Variants in C6 observed in about 807,000 individuals in gnomAD.
C6 encodes complement C6, also known as complement component C6.
In C6, 101 loss-of-function variants were observed where a neutral mutation model predicts 112.9. The observed-to-expected ratio is 0.89, with a 90% CI of 0.76 to 1.06. The LOEUF (loss-of-function observed/expected upper bound fraction) is 1.06. Ranked by LOEUF, C6 falls within the 50% of genes least tolerant of loss-of-function variation. The probability of loss-of-function intolerance (pLI) is 0.00; values close to 1 mark genes in which losing one functional copy is unlikely to be tolerated. For missense variants in C6, 1,202 were observed against 1,104.6 expected (o/e 1.09, Z -1.25); for synonymous variants, 431 against 384.1 (o/e 1.12, Z -1.43).
At chr5:41,249,382 A>T (rs1378566043) in intron 1 of C6, among the ~76,000 whole-genome samples, 1 of 152,228 alleles carries the variant, frequency 6.6e-6, no homozygotes, top group African/African-American at 2.4e-5. Context: ...AGTTAAAATA[A>T]TAACAATTTA....
At chr5:41,174,522 A>C (rs1474717915) in intron 8 of C6, among the ~76,000 whole-genome samples, 5 of 152,166 alleles carry the variant, frequency 3.3e-5, no homozygotes, top group Non-Finnish European at 7.4e-5. Flanking sequence ...ATATTAGGAT[A>C]TTTTTATTGT....
At chr5:41,238,146 A>T (rs113068758) in intron 1 of C6, among the ~76,000 whole-genome samples, 1 of 86,456 alleles carries the variant, frequency 1.2e-5, no homozygotes, top group Admixed American at 1.3e-4. Flanking sequence ...GAAAATGGCC[A>T]TACTGCCCAA....
In C6 at chr5:41,143,133, T is replaced by C. The variant is rs1203676348; in HGVS notation, c.2624-127A>G. On this transcript the variant is annotated intron_variant, in intron 17 of 17. Transcript: ENST00000337836. The stretch of plus-strand genomic sequence containing the variant: ...ATTAAGTTTGGTCTAAAGCTTTCTC[T>C]AATGAATGAGAAAGCCAAAAAATAA... 16 of 796,866 alleles carry C rather than the reference T, an allele frequency of 2.0e-5. No individual in the cohort carries two copies. In the Middle Eastern group the frequency reaches 9.9e-4, roughly 50 times the overall value. The allele number at this position is 796,866 out of a possible 1,614,324, so 49.4% of individuals were successfully genotyped here.
chr5:41,202,560 T>G (rs989755645), intron 2 of C6, among the ~76,000 whole-genome samples: 2 of 152,176 alleles, frequency 1.3e-5, no homozygotes, highest in Non-Finnish European at 2.9e-5. Flanking sequence ...AGCATTTCCA[T>G]GGTACAGAAA....
upstream of C6, among the ~76,000 whole-genome samples, chr5:41,217,648 A>G (rs765678138): frequency 4.3e-4 from 65 of 152,262 alleles, no homozygotes; most frequent in Non-Finnish European, 8.2e-4. Flanking sequence ...ATTCTTTGGA[A>G]TGGAAAGAAA....
intron 1 of C6, among the ~76,000 whole-genome samples, chr5:41,243,691 G>A (rs1740863550): frequency 6.6e-6 from 1 of 152,214 alleles, no homozygotes; most frequent in Non-Finnish European, 1.5e-5. Context: ...ACACACCAAA[G>A]CCTACTTAAT....
intron 1 of C6, among the ~76,000 whole-genome samples, chr5:41,220,163 C>T (rs1223477239): frequency 2.0e-5 from 3 of 152,114 alleles, no homozygotes; most frequent in African/African-American, 7.2e-5. Flanking sequence ...TGATTTCTTG[C>T]CATGTTTTTC....
chr5:41,142,886 C>T lies in C6; in HGVS notation c.2744G>A (p.Gly915Glu). The T allele has an allele frequency of 1.2e-6, 2 of 1,613,306 alleles. No homozygotes were observed. Among genetic ancestry groups the T allele is most frequent in the Non-Finnish European group, 1.7e-6 (2 of 1,179,474 alleles). The change falls in exon 18 of 18, where the codon GGA becomes GAA. Residue 915 changes from glycine (G) to glutamate (E), a missense_variant. By Grantham distance (98) the Gly-to-Glu change is moderately conservative. Coordinates refer to ENST00000337836, the MANE Select transcript of C6 (RefSeq NM_000065.5). The stretch of plus-strand genomic sequence containing the variant: ...CTTCCTGTTTGCACATCTTATAGTT[C>T]CCACTTCACAGATGTTCAATGTTTT... ...SEKTLNICEV[G>E]TIRCANRKME...
At chr5:41,154,914 A>T in intron 14 of C6, 58 bp downstream of exon 14, 1 of 1,560,820 alleles carries the variant, frequency 6.4e-7, no homozygotes, top group Non-Finnish European at 8.8e-7. Flanking sequence ...TACTGTTTTT[A>T]TATTGGGCAC....
At chr5:41,169,622 C>T (rs535987748) in intron 9 of C6, among the ~76,000 whole-genome samples, 1 of 152,108 alleles carries the variant, frequency 6.6e-6, no homozygotes, top group South Asian at 2.1e-4. Context: ...GGGGAGGCCT[C>T]GGGAAACTTG....
intron 12 of C6, 47 bp from the exon 13 acceptor site, chr5:41,158,832 C>A (rs1453344197): frequency 3.5e-6 from 4 of 1,134,544 alleles, no homozygotes; most frequent in African/African-American, 1.5e-5. Flanking sequence ...TATGTACACA[C>A]ATTTACATGT....
intron 1 of C6, among the ~76,000 whole-genome samples, chr5:41,209,921 C>T (rs1751758635): frequency 6.6e-6 from 1 of 152,116 alleles, no homozygotes; most frequent in Admixed American, 6.6e-5. Context: ...CAATCCTAAG[C>T]CAAAAGAACA....
chr5:41,158,348 G>T (rs1561104337), intron 13 of C6, among the ~76,000 whole-genome samples: 1 of 152,098 alleles, frequency 6.6e-6, no homozygotes, highest in Non-Finnish European at 1.5e-5. Context: ...CCTTAGGTAA[G>T]GGTATCAGTT....
intron 8 of C6, among the ~76,000 whole-genome samples, chr5:41,175,126 A>G (rs1748728920): frequency 1.3e-5 from 2 of 152,188 alleles, no homozygotes; most frequent in Admixed American, 6.6e-5. Flanking sequence ...GGAGGTGGTC[A>G]TCCTCTTTGA....
chr5:41,223,801 A>G (rs548987268), intron 1 of C6, among the ~76,000 whole-genome samples: 13 of 152,060 alleles, frequency 8.5e-5, no homozygotes, highest in African/African-American at 3.1e-4. Flanking sequence ...TAATATTTCA[A>G]CAATGTTTCA....
At chr5:41,219,718 A>G (rs1201665742) in intron 1 of C6, among the ~76,000 whole-genome samples, 1 of 152,200 alleles carries the variant, frequency 6.6e-6, no homozygotes, top group Non-Finnish European at 1.5e-5. Flanking sequence ...GTTGTCATGT[A>G]AGCAACTCCA....
At chr5:41,154,456 C>T (rs1307395583) in intron 14 of C6, among the ~76,000 whole-genome samples, 1 of 152,194 alleles carries the variant, frequency 6.6e-6, no homozygotes, top group African/African-American at 2.4e-5. Flanking sequence ...TCTTGTTTTT[C>T]ACTTTACTCT....
chr5:41,224,485 A>G (rs1739364344), intron 1 of C6, among the ~76,000 whole-genome samples: 1 of 152,118 alleles, frequency 6.6e-6, no homozygotes, highest in Non-Finnish European at 1.5e-5. Context: ...CACATTTCAT[A>G]TAATTGAAAT....
At chr5:41,221,097 C>T (rs1446561742) in intron 1 of C6, among the ~76,000 whole-genome samples, 2 of 151,412 alleles carry the variant, frequency 1.3e-5, no homozygotes, top group Non-Finnish European at 2.9e-5. Context: ...CACCCTGTCC[C>T]AGCCCTGCAG....
Sources: allele counts gnomAD v4.1 joint callset (sites outside exome capture counted in the v4.1 genomes callset), GRCh38; gene constraint gnomAD v4.1.1; transcripts MANE v1.5; gene names NCBI Gene and HGNC (gene_info 2026-07-23, HGNC 2026-07-21).